Variants in CEP83 observed in about 807,000 individuals in gnomAD.
The protein encoded by CEP83 is centrosomal protein of 83 kDa.
A neutral mutation model predicts 101.9 loss-of-function variants in CEP83; 70 were observed. The observed-to-expected ratio is 0.69, with a 90% CI of 0.57 to 0.84. CEP83 has a LOEUF of 0.84. CEP83 is among the 40% of genes least tolerant of loss of function. The pLI is 0.00. For synonymous variants in CEP83, 264 were observed against 267.9 expected (o/e 0.99, Z 0.14); for missense variants, 715 against 787.2 (o/e 0.91, Z 1.10).
rs147704675 is a variant in CEP83, at chr12:94,413,069, G to C, written c.-101-478C>G. The stretch of plus-strand genomic sequence containing the variant: ...GGGTTTCACCATGCTGGCTAAGCTG[G>C]TCTCGAACTCCTGACATCAGGCATT... On this transcript the variant is annotated intron_variant, in intron 2 of 16. Coordinates refer to ENST00000397809, the MANE Select transcript of CEP83 (RefSeq NM_016122.3). Among the ~76,000 whole-genome samples, 249 of 151,990 alleles carry C rather than the reference G, an allele frequency of 1.6e-3. 1 individual carries two copies. The Middle Eastern group carries it at 0.021, about 13-fold the overall frequency.
intron 2 of CEP83, among the ~76,000 whole-genome samples, chr12:94,433,596 G>A (rs1223549992): frequency 5.3e-5 from 8 of 151,608 alleles, no homozygotes; most frequent in African/African-American, 9.7e-5. Flanking sequence ...TGGGAAGATC[G>A]CTTGAGCCCA....
At chr12:94,315,008 T>A (rs1462492834) in intron 14 of CEP83, among the ~76,000 whole-genome samples, 3 of 152,218 alleles carry the variant, frequency 2.0e-5, no homozygotes, top group African/African-American at 4.8e-5. Context: ...TTCCTGTTAA[T>A]GAAAATTTAA....
chr12:94,310,644 AT>A (rs1969710052), intron 15 of CEP83, among the ~76,000 whole-genome samples: 1 of 152,116 alleles, frequency 6.6e-6, no homozygotes, highest in African/African-American at 2.4e-5. Flanking sequence ...TTTTCTATCC[AT>A]GTTTGCCCGA....
At chr12:94,312,093 A>G (rs1969956969) in intron 15 of CEP83, among the ~76,000 whole-genome samples, 1 of 152,194 alleles carries the variant, frequency 6.6e-6, no homozygotes, top group African/African-American at 2.4e-5. Flanking sequence ...AAAAGAATTG[A>G]AACAAAATTC....
intron 1 of CEP83, among the ~76,000 whole-genome samples, chr12:94,454,020 C>G (rs939292631): frequency 5.9e-5 from 9 of 151,872 alleles, no homozygotes; most frequent in Non-Finnish European, 8.8e-5. Context: ...TCGCTTGAAC[C>G]CAGGAGGCAG....
chr12:94,323,186 T>C (rs1222043290), intron 14 of CEP83, among the ~76,000 whole-genome samples: 1 of 152,146 alleles, frequency 6.6e-6, no homozygotes, highest in Non-Finnish European at 1.5e-5. Flanking sequence ...GTATACAGCC[T>C]CTTTCCTAGG....
chr12:94,406,840 T>C (rs2063568732), intron 4 of CEP83, among the ~76,000 whole-genome samples: 1 of 150,786 alleles, frequency 6.6e-6, no homozygotes, highest in African/African-American at 2.4e-5. Flanking sequence ...GGCAGTAGAA[T>C]GGTATGAACA....
intron 14 of CEP83, among the ~76,000 whole-genome samples, chr12:94,327,774 C>G (rs2059032980): frequency 6.6e-6 from 1 of 152,174 alleles, no homozygotes; most frequent in Non-Finnish European, 1.5e-5. Context: ...TTCCAAGCCC[C>G]AATTCTAGAC....
chr12:94,335,930 G>A, intron 11 of CEP83: 3 of 324,632 alleles, frequency 9.2e-6, no homozygotes, highest in South Asian at 5.8e-5. Context: ...AACGCTACAT[G>A]GATAAAAACC....
chr12:94,350,257 T>C (rs971709409), intron 11 of CEP83, among the ~76,000 whole-genome samples: 1 of 152,106 alleles, frequency 6.6e-6, no homozygotes, highest in Non-Finnish European at 1.5e-5. Context: ...GTTATAATAA[T>C]CAAAATAGTG....
intron 14 of CEP83, among the ~76,000 whole-genome samples, chr12:94,325,248 T>A (rs552782126): frequency 6.6e-6 from 1 of 151,890 alleles, no homozygotes; most frequent in African/African-American, 2.4e-5. Flanking sequence ...CTCCGCTCAC[T>A]GCAACCTCTG....
intron 6 of CEP83, among the ~76,000 whole-genome samples, chr12:94,397,990 T>C (rs892946611): frequency 2.6e-5 from 4 of 152,194 alleles, no homozygotes; most frequent in African/African-American, 9.7e-5. Context: ...AGGTTTTGTG[T>C]TGACCACACA....
the CEP83 span, chr12:94,282,117 TAAAC>T: frequency 1.8e-4 from 96 of 526,448 alleles, 1 homozygote; most frequent in East Asian, 9.2e-4. Flanking sequence ...ATCAGAGCCC[TAAAC>T]AAACAAACAA....
Position 94,368,073 on chromosome 12 carries a change from C to T in CEP83, c.1177G>A (p.Val393Ile), listed in dbSNP as rs895318708. ...AKEEGYQKLV[V>I]LQDEKLELEN... ...AGTACTTACTTTTCATCTTGTAATA[C>T]CACAAGTTTTTGATAACCTTCTTCT... The change falls in exon 10 of 17, where the codon GTA becomes ATA. Residue 393 changes from valine to isoleucine, a missense_variant. By Grantham distance (29) the Val-to-Ile change is conservative. Transcript: ENST00000397809. The T allele has an allele frequency of 6.2e-7, 1 of 1,612,776 alleles. No homozygotes were observed. Among genetic ancestry groups the T allele is most frequent in the Non-Finnish European group, 8.5e-7 (1 of 1,179,400 alleles).
chr12:94,329,471 T>C (rs1289215598), intron 14 of CEP83, among the ~76,000 whole-genome samples: 1 of 152,164 alleles, frequency 6.6e-6, no homozygotes, highest in African/African-American at 2.4e-5. Context: ...CTATATTTTG[T>C]AGATTTTTAA....
chr12:94,382,956 G>A (rs532663657), intron 6 of CEP83, among the ~76,000 whole-genome samples: 1 of 152,122 alleles, frequency 6.6e-6, no homozygotes, highest in Admixed American at 6.6e-5. Context: ...TGTTGAGAGA[G>A]GGGTATGAAG....
At chr12:94,401,745 C>A (rs2063270135) in intron 5 of CEP83, among the ~76,000 whole-genome samples, 1 of 152,078 alleles carries the variant, frequency 6.6e-6, no homozygotes. Flanking sequence ...TATTTTACTG[C>A]AGATATACTT....
chr12:94,359,881 C>T (rs1298001751), intron 11 of CEP83, among the ~76,000 whole-genome samples: 1 of 152,022 alleles, frequency 6.6e-6, no homozygotes, highest in African/African-American at 2.4e-5. Context: ...AAACCCTCAA[C>T]AAAAACACCA....
At chr12:94,399,738 AG>A (rs1172444610) in intron 6 of CEP83, among the ~76,000 whole-genome samples, 1 of 152,190 alleles carries the variant, frequency 6.6e-6, no homozygotes, top group African/African-American at 2.4e-5. Context: ...AATCAATCAA[AG>A]AAAATAAGAC....
Sources: gnomAD v4.1 joint callset for allele counts (sites outside exome capture counted in the v4.1 genomes callset) on GRCh38, gnomAD v4.1.1 for gene constraint, MANE v1.5 for transcripts, NCBI Gene and HGNC (gene_info 2026-07-23, HGNC 2026-07-21) for gene names.